The following DAP variants were observed in gnomAD, a reference collection of about 807,000 sequenced individuals.
DAP encodes death associated protein, also known as death-associated protein 1.
In DAP, 8 loss-of-function variants were observed where a neutral mutation model predicts 13.8. The ratio of observed to expected loss-of-function variants is 0.58; its 90% CI spans 0.34 to 1.05. The LOEUF (loss-of-function observed/expected upper bound fraction) is 1.05. DAP is among the 50% of genes least tolerant of loss of function. The pLI is 0.03. For missense variants in DAP, 106 were observed against 133.2 expected (o/e 0.80, Z 1.01); for synonymous variants, 47 against 47.5 (o/e 0.99, Z 0.04).
intron 2 of DAP, among the ~76,000 whole-genome samples, chr5:10,745,777 A>G (rs1038739457): frequency 2.0e-5 from 3 of 152,300 alleles, no homozygotes; most frequent in Non-Finnish European, 4.4e-5. Context: ...TGTTTCATTA[A>G]CTTTCCAGGA....
chr5:10,722,398 C>T (rs375447612), intron 2 of DAP, among the ~76,000 whole-genome samples: 3 of 152,062 alleles, frequency 2.0e-5, no homozygotes, highest in East Asian at 1.9e-4. Context: ...TTTTGAGGCT[C>T]GGACCTAGCT....
In DAP at chr5:10,684,600, G is replaced by C. The variant is rs148783571; in HGVS notation, c.153-1029C>G. Among the ~76,000 whole-genome samples, 737 of 152,310 alleles carry C rather than the reference G, an allele frequency of 4.8e-3. 2 individuals are homozygous for C. Among genetic ancestry groups the C allele is most frequent in the Non-Finnish European group, 8.9e-3 (604 of 68,016 alleles). ...CTTCTATGGACAGATGTACGTGCTT[G>C]TCTTCTTATTAACTTTTTTCTTACA... On this transcript the variant is annotated intron_variant, in intron 2 of 3. Coordinates refer to ENST00000230895, the MANE Select transcript of DAP (RefSeq NM_004394.3).
intron 2 of DAP, among the ~76,000 whole-genome samples, chr5:10,685,307 T>C (rs1013810384): frequency 6.6e-6 from 1 of 152,202 alleles, no homozygotes; most frequent in East Asian, 1.9e-4. Context: ...GATTTAGCTA[T>C]AGGATTAATA....
intron 2 of DAP, among the ~76,000 whole-genome samples, chr5:10,737,614 C>G (rs1019012286): frequency 1.3e-5 from 2 of 152,214 alleles, no homozygotes; most frequent in Non-Finnish European, 2.9e-5. Context: ...CCCAGGCATA[C>G]ATGCCTGAGA....
At chr5:10,738,180 T>A (rs1173118630) in intron 2 of DAP, among the ~76,000 whole-genome samples, 2 of 152,226 alleles carry the variant, frequency 1.3e-5, no homozygotes, top group Admixed American at 6.5e-5. Context: ...GGTTGTGGCA[T>A]TTTGTTAAGG....
intron 2 of DAP, among the ~76,000 whole-genome samples, chr5:10,731,004 G>A (rs1433213478): frequency 1.1e-5 from 1 of 87,178 alleles, no homozygotes; most frequent in African/African-American, 4.6e-5. Context: ...AGCCCTGGTG[G>A]GGGGGAATCT....
At chr5:10,719,909 G>C (rs1234777950) in intron 2 of DAP, among the ~76,000 whole-genome samples, 1 of 152,226 alleles carries the variant, frequency 6.6e-6, no homozygotes, top group Non-Finnish European at 1.5e-5. Flanking sequence ...AAAGTAGACA[G>C]CTGCAGCACT....
At chr5:10,704,929 T>C (rs1056798821) in intron 2 of DAP, among the ~76,000 whole-genome samples, 1 of 152,128 alleles carries the variant, frequency 6.6e-6, no homozygotes, top group African/African-American at 2.4e-5. Context: ...GTCCTCAAAC[T>C]TTCTGGCTAG....
chr5:10,760,507 A>T lies in DAP; in HGVS notation c.55+507T>A, dbSNP rs148214254. On this transcript the variant is annotated intron_variant, in intron 1 of 3. Coordinates refer to ENST00000230895, the MANE Select transcript of DAP (RefSeq NM_004394.3). ...AAAAAAAAATCTGGATGTGGAAGAA[A>T]CTGGCGGTGAAAGTCATATTGAGTG... Among the ~76,000 whole-genome samples, 59 of 152,338 alleles carry T rather than the reference A, an allele frequency of 3.9e-4. No homozygotes were observed. In the East Asian group the frequency reaches 0.01, roughly 26 times the overall value.
Position 10,680,983 on chromosome 5 carries a change from C to T in DAP, c.*73G>A, listed in dbSNP as rs1245215692. ...GCAGAGTAGGATTTGGGCGAAACTG[C>T]TGGTTCTCTCTGTCAGGGAAATACC... On this transcript the variant is annotated 3_prime_UTR_variant, in exon 4 of 4. Transcript: ENST00000230895. The T allele has an allele frequency of 2.0e-5, 31 of 1,548,512 alleles. No individual in the cohort carries two copies. Among genetic ancestry groups the T allele is most frequent in the Non-Finnish European group, 2.5e-5 (29 of 1,147,394 alleles).
At chr5:10,710,485 C>G (rs573353570) in intron 2 of DAP, among the ~76,000 whole-genome samples, 3 of 152,330 alleles carry the variant, frequency 2.0e-5, no homozygotes, top group African/African-American at 4.8e-5. Context: ...GCCACAGAAG[C>G]CTTTCATGGG....
chr5:10,713,706 C>T (rs139636274), intron 2 of DAP, among the ~76,000 whole-genome samples: 1 of 152,210 alleles, frequency 6.6e-6, no homozygotes, highest in Non-Finnish European at 1.5e-5. Context: ...AGCAAGGAGC[C>T]GTCCCTCCAG....
intron 2 of DAP, among the ~76,000 whole-genome samples, chr5:10,698,770 A>G (rs535824540): frequency 6.6e-6 from 1 of 152,312 alleles, no homozygotes; most frequent in Non-Finnish European, 1.5e-5. Flanking sequence ...GTTCTCTGAA[A>G]AAGGAATTTG....
At chr5:10,714,600 C>T (rs1738933456) in intron 2 of DAP, among the ~76,000 whole-genome samples, 1 of 152,072 alleles carries the variant, frequency 6.6e-6, no homozygotes, top group South Asian at 2.1e-4. Context: ...AGTGAGGAAG[C>T]ATAGATATGC....
intron 2 of DAP, among the ~76,000 whole-genome samples, chr5:10,742,424 G>A (rs1324309486): frequency 6.6e-6 from 1 of 152,172 alleles, no homozygotes; most frequent in Non-Finnish European, 1.5e-5. Context: ...CTACTCGGGA[G>A]GCTGAGGCAG....
intron 2 of DAP, among the ~76,000 whole-genome samples, chr5:10,739,799 A>T (rs1422208307): frequency 6.6e-6 from 1 of 151,794 alleles, no homozygotes; most frequent in Non-Finnish European, 1.5e-5. Flanking sequence ...ACACACACAC[A>T]CACACACACA....
intron 1 of DAP, among the ~76,000 whole-genome samples, chr5:10,752,415 A>T (rs1303859744): frequency 2.6e-5 from 4 of 152,250 alleles, no homozygotes; most frequent in African/African-American, 9.6e-5. Context: ...TTCATTTGTA[A>T]AACTACAAAA....
intron 2 of DAP, among the ~76,000 whole-genome samples, chr5:10,710,514 G>A (rs562083115): frequency 1.3e-5 from 2 of 152,326 alleles, no homozygotes; most frequent in East Asian, 1.9e-4. Context: ...GCCACAGAGC[G>A]CTCTGAGTGA....
At chr5:10,731,774 A>C (rs1739467855) in intron 2 of DAP, among the ~76,000 whole-genome samples, 1 of 152,234 alleles carries the variant, frequency 6.6e-6, no homozygotes, top group Admixed American at 6.5e-5. Flanking sequence ...TCCTAAAAAG[A>C]GATGAAAGAG....
Sources: gnomAD v4.1 joint callset for allele counts (sites outside exome capture counted in the v4.1 genomes callset) on GRCh38, gnomAD v4.1.1 for gene constraint, MANE v1.5 for transcripts, NCBI Gene and HGNC (gene_info 2026-07-23, HGNC 2026-07-21) for gene names.